The following SCHIP1 variants were observed in gnomAD, a reference collection of about 807,000 sequenced individuals.
The protein encoded by SCHIP1 is schwannomin-interacting protein 1.
SCHIP1 carries 8 observed loss-of-function variants against 29.7 expected under a neutral mutation model. The observed-to-expected ratio is 0.27, with a 90% CI of 0.16 to 0.49. The LOEUF is 0.49. SCHIP1 is among the 20% of genes least tolerant of loss of function. The probability of loss-of-function intolerance (pLI) is 0.99; values close to 1 mark genes in which losing one functional copy is unlikely to be tolerated. For synonymous variants in SCHIP1, 76 were observed against 94.9 expected (o/e 0.80, Z 1.16); for missense variants, 193 against 294.6 (o/e 0.66, Z 2.52).
the SCHIP1 span, among the ~76,000 whole-genome samples, chr3:159,523,135 A>T: frequency 1.3e-5 from 2 of 152,180 alleles, no homozygotes; most frequent in South Asian, 4.1e-4. Context: ...TATTTCATCC[A>T]TACATGTTAC....
At chr3:159,660,797 A>AGGTT in the SCHIP1 span, among the ~76,000 whole-genome samples, 1 of 152,176 alleles carries the variant, frequency 6.6e-6, no homozygotes, top group African/African-American at 2.4e-5. Flanking sequence ...TATCTGTTGC[A>AGGTT]GGTTGTCTTT....
At chr3:159,557,175 T>C in the SCHIP1 span, among the ~76,000 whole-genome samples, 1 of 151,928 alleles carries the variant, frequency 6.6e-6, no homozygotes, top group Admixed American at 6.6e-5. Context: ...GCCAGGATGG[T>C]CTCGATCTCC....
At chr3:159,550,637 A>G in the SCHIP1 span, among the ~76,000 whole-genome samples, 1 of 152,064 alleles carries the variant, frequency 6.6e-6, no homozygotes, top group Non-Finnish European at 1.5e-5. Context: ...ATAGAGTTAT[A>G]TTTTTATATT....
At chr3:159,746,189 A>C in the SCHIP1 span, among the ~76,000 whole-genome samples, 1 of 152,238 alleles carries the variant, frequency 6.6e-6, no homozygotes, top group Non-Finnish European at 1.5e-5. Flanking sequence ...GGCCCTATGA[A>C]TTCTTCCCTT....
chr3:159,568,050 G>A, the SCHIP1 span, among the ~76,000 whole-genome samples: 2 of 151,942 alleles, frequency 1.3e-5, no homozygotes, highest in Middle Eastern at 6.8e-3. Flanking sequence ...AGCCATTTTT[G>A]CAGTTGCCAC....
At chr3:159,482,226 A>G in the SCHIP1 span, among the ~76,000 whole-genome samples, 1 of 152,188 alleles carries the variant, frequency 6.6e-6, no homozygotes, top group Admixed American at 6.5e-5. Flanking sequence ...TCCAATGCTA[A>G]GTGTGCTTCT....
chr3:159,506,423 T>G, the SCHIP1 span, among the ~76,000 whole-genome samples: 3 of 152,246 alleles, frequency 2.0e-5, no homozygotes, highest in African/African-American at 7.2e-5. Context: ...GGTTGCCTGT[T>G]CACTCTGATG....
At chr3:159,648,433 A>G in the SCHIP1 span, among the ~76,000 whole-genome samples, 1 of 152,198 alleles carries the variant, frequency 6.6e-6, no homozygotes, top group African/African-American at 2.4e-5. Context: ...AAATAAGGAC[A>G]ATAATGCCTA....
At chr3:159,382,113 T>G in the SCHIP1 span, among the ~76,000 whole-genome samples, 1 of 152,232 alleles carries the variant, frequency 6.6e-6, no homozygotes, top group Admixed American at 6.5e-5. Context: ...TTAGTTCATT[T>G]TATTATTACT....
At chr3:159,867,469 C>T (rs186208322) in intron 2 of SCHIP1, among the ~76,000 whole-genome samples, 1 of 152,296 alleles carries the variant, frequency 6.6e-6, no homozygotes, top group African/African-American at 2.4e-5. Context: ...AAGCAGAAAG[C>T]AGACACATGC....
the SCHIP1 span, among the ~76,000 whole-genome samples, chr3:159,622,296 C>T: frequency 2.8e-3 from 423 of 152,314 alleles, 4 homozygotes; most frequent in African/African-American, 9.5e-3. Context: ...GTCAACACAT[C>T]TGACTGCCAG....
the SCHIP1 span, among the ~76,000 whole-genome samples, chr3:159,373,902 TC>T: frequency 4.9e-4 from 74 of 152,290 alleles, 1 homozygote; most frequent in East Asian, 0.012. Flanking sequence ...TACAGACATT[TC>T]TTCCACATAC....
At chr3:159,543,466 T>C in the SCHIP1 span, among the ~76,000 whole-genome samples, 1 of 146,946 alleles carries the variant, frequency 6.8e-6, no homozygotes, top group Non-Finnish European at 1.5e-5. Context: ...GAACAAGCGG[T>C]GTTTGGTTTT....
the SCHIP1 span, among the ~76,000 whole-genome samples, chr3:159,384,848 T>G: frequency 6.6e-6 from 1 of 152,146 alleles, no homozygotes; most frequent in Non-Finnish European, 1.5e-5. Context: ...GAGGGTGTAT[T>G]TGTCAAGGAA....
At chr3:159,656,921 T>A in the SCHIP1 span, among the ~76,000 whole-genome samples, 8 of 152,132 alleles carry the variant, frequency 5.3e-5, no homozygotes, top group Admixed American at 1.3e-4. Flanking sequence ...GTTGTAATAG[T>A]GTATGTCCAC....
the SCHIP1 span, among the ~76,000 whole-genome samples, chr3:159,502,839 G>A: frequency 1.1e-4 from 16 of 152,330 alleles, no homozygotes; most frequent in East Asian, 3.1e-3. Flanking sequence ...CCAAGTGCAG[G>A]CGTATTTGAA....
the SCHIP1 span, among the ~76,000 whole-genome samples, chr3:159,418,635 C>T: frequency 6.6e-6 from 1 of 152,298 alleles, no homozygotes; most frequent in East Asian, 1.9e-4. Context: ...TTTTGATATA[C>T]AGAGCCTTTT....
At chr3:159,875,034 A>AC (rs1715658974) in intron 2 of SCHIP1, among the ~76,000 whole-genome samples, 1 of 137,984 alleles carries the variant, frequency 7.2e-6, no homozygotes, top group Admixed American at 7.1e-5. Context: ...AAAAAAAAAC[A>AC]AAAACTATCA....
the SCHIP1 span, among the ~76,000 whole-genome samples, chr3:159,800,638 G>A: frequency 6.6e-6 from 1 of 152,130 alleles, no homozygotes; most frequent in African/African-American, 2.4e-5. Context: ...GCCCGTGAAG[G>A]TCCTAGTGAC....
Sources: allele counts gnomAD v4.1 joint callset (sites outside exome capture counted in the v4.1 genomes callset), GRCh38; gene constraint gnomAD v4.1.1; transcripts MANE v1.5; gene names NCBI Gene and HGNC (gene_info 2026-07-23, HGNC 2026-07-21).